The following PDE4D variants were observed in gnomAD, a reference collection of about 807,000 sequenced individuals.
The protein encoded by PDE4D is 3',5'-cyclic-AMP phosphodiesterase 4D.
In PDE4D, 24 loss-of-function variants were observed where a neutral mutation model predicts 87.4. The ratio of observed to expected loss-of-function variants is 0.27; its 90% CI spans 0.20 to 0.39. The LOEUF is 0.39. Ranked by LOEUF, PDE4D falls within the 10% of genes least tolerant of loss-of-function variation. The pLI is 1.00. For missense variants in PDE4D, 714 were observed against 1,041.0 expected, an observed-to-expected ratio of 0.69 and a Z score of 4.32; for synonymous variants, 384 against 383.2, an observed-to-expected ratio of 1.00 and a Z score of -0.02.
chr5:59,604,511 C>T (rs138758569), intron 1 of PDE4D, among the ~76,000 whole-genome samples: 2 of 151,974 alleles, frequency 1.3e-5, no homozygotes, highest in Non-Finnish European at 1.5e-5. Context: ...CTGGGAGGGT[C>T]GACTGTAAAC....
intron 6 of PDE4D, among the ~76,000 whole-genome samples, chr5:59,035,263 CTTAG>C (rs777085651): frequency 2.6e-5 from 4 of 152,174 alleles, no homozygotes; most frequent in Non-Finnish European, 5.9e-5. Flanking sequence ...AGGAAAAGTA[CTTAG>C]TTAGCTCTTC....
At position 59,982,150 on chromosome 5, in the gene PDE4D, T is replaced by C. The variant is rs931470032; in HGVS notation, c.272+6338A>G. Among the ~76,000 whole-genome samples the C allele has an allele frequency of 3.3e-5, 5 of 152,230 alleles. No individual in the cohort carries two copies. In the South Asian group the frequency reaches 1.0e-3, roughly 32 times the overall value. On this transcript the variant is annotated intron_variant, in intron 3 of 16. Transcript: ENST00000502484. ...AGTGACCATGTCTTCTTTTACATTC[T>C]TTTCATTTTCTTTTTTTATAGGACA...
At chr5:60,003,115 CTATCTGTAAAATAAAT>C (rs1293116230) in intron 2 of PDE4D, among the ~76,000 whole-genome samples, 2 of 152,040 alleles carry the variant, frequency 1.3e-5, no homozygotes, top group Non-Finnish European at 2.9e-5. Flanking sequence ...TAACAATAAA[CTATCTGTAAAATAAAT>C]TAAGAAAAAC....
intron 2 of PDE4D, among the ~76,000 whole-genome samples, chr5:60,111,876 C>A (rs1252430384): frequency 1.3e-5 from 2 of 151,812 alleles, no homozygotes; most frequent in East Asian, 1.9e-4. Context: ...ACTTTATTCC[C>A]AGACTATTTT....
chr5:60,316,749 A>G (rs372630492), intron 1 of PDE4D, among the ~76,000 whole-genome samples: 15 of 152,166 alleles, frequency 9.9e-5, no homozygotes, highest in Non-Finnish European at 1.6e-4. Flanking sequence ...AGATAATCAT[A>G]TGGTTTTTGT....
chr5:60,518,139 C>T (rs1351896097), intron 1 of PDE4D, among the ~76,000 whole-genome samples: 1 of 152,206 alleles, frequency 6.6e-6, no homozygotes, highest in African/African-American at 2.4e-5. Context: ...TCTGGAGCTG[C>T]CTGCCCTGCT....
chr5:59,483,426 A>G (rs116027758), intron 1 of PDE4D, among the ~76,000 whole-genome samples: 3,771 of 152,238 alleles, frequency 0.025, 74 homozygotes, highest in Non-Finnish European at 0.036. Flanking sequence ...TTCCATAAAA[A>G]ATAATTTTCA....
At chr5:60,210,336 ATG>A (rs1743047028) in intron 1 of PDE4D, among the ~76,000 whole-genome samples, 1 of 152,018 alleles carries the variant, frequency 6.6e-6, no homozygotes, top group African/African-American at 2.4e-5. Flanking sequence ...CAAAAAAGAG[ATG>A]TCTCATTTGT....
intron 1 of PDE4D, among the ~76,000 whole-genome samples, chr5:59,260,212 T>C (rs1761743828): frequency 6.6e-6 from 1 of 151,836 alleles, no homozygotes; most frequent in East Asian, 1.9e-4. Flanking sequence ...AAAGCAACTA[T>C]TTATTCAGAA....
intron 1 of PDE4D, among the ~76,000 whole-genome samples, chr5:60,430,541 T>G (rs28705759): frequency 2.1e-5 from 3 of 142,252 alleles, no homozygotes; most frequent in Middle Eastern, 3.5e-3. Flanking sequence ...TTTTGTTTTT[T>G]TTTGTTTGTT....
chr5:60,306,059 A>G (rs943655554), intron 1 of PDE4D, among the ~76,000 whole-genome samples: 10 of 152,246 alleles, frequency 6.6e-5, no homozygotes, highest in Admixed American at 3.9e-4. Flanking sequence ...TTGTTCATAT[A>G]TTAGATAGAG....
intron 5 of PDE4D, among the ~76,000 whole-genome samples, chr5:59,108,736 A>T (rs926878556): frequency 6.6e-6 from 1 of 151,984 alleles, no homozygotes; most frequent in African/African-American, 2.4e-5. Context: ...TCTACTAAAA[A>T]TACAACAACG....
intron 5 of PDE4D, among the ~76,000 whole-genome samples, chr5:59,098,327 C>T (rs894506673): frequency 1.3e-5 from 2 of 152,084 alleles, no homozygotes; most frequent in Non-Finnish European, 2.9e-5. Context: ...TAATCTGATG[C>T]TAATATGTTA....
At chr5:59,692,682 A>G (rs1222106745) in intron 1 of PDE4D, among the ~76,000 whole-genome samples, 3 of 152,244 alleles carry the variant, frequency 2.0e-5, no homozygotes, top group African/African-American at 7.2e-5. Context: ...TTAAGTTTAG[A>G]TACAGCTCAA....
intron 1 of PDE4D, among the ~76,000 whole-genome samples, chr5:59,572,712 C>G (rs1822079308): frequency 6.6e-6 from 1 of 152,128 alleles, no homozygotes; most frequent in Non-Finnish European, 1.5e-5. Flanking sequence ...GATCTCCTGA[C>G]CTCGTGATCC....
chr5:60,424,636 C>T (rs1383098188), intron 1 of PDE4D, among the ~76,000 whole-genome samples: 3 of 152,090 alleles, frequency 2.0e-5, no homozygotes, highest in Non-Finnish European at 4.4e-5. Context: ...ACAAGGATGC[C>T]CTCTCTCACC....
intron 1 of PDE4D, among the ~76,000 whole-genome samples, chr5:59,312,582 A>T (rs917137335): frequency 1.3e-5 from 2 of 152,216 alleles, no homozygotes; most frequent in Non-Finnish European, 2.9e-5. Flanking sequence ...AAAAGTCTAC[A>T]GGAAACTTAT....
At chr5:59,900,937 G>A (rs77126624) in intron 3 of PDE4D, among the ~76,000 whole-genome samples, 4,443 of 152,164 alleles carry the variant, frequency 0.029, 205 homozygotes, top group African/African-American at 0.1. Context: ...TAATGTGGTA[G>A]GTAGGCATTG....
chr5:59,397,553 C>A (rs1326673319), intron 1 of PDE4D, among the ~76,000 whole-genome samples: 4 of 112,428 alleles, frequency 3.6e-5, no homozygotes, highest in African/African-American at 1.5e-4. Context: ...ACACAACATA[C>A]CAGAATCTCT....
Sources: allele counts gnomAD v4.1 joint callset (sites outside exome capture counted in the v4.1 genomes callset), GRCh38; gene constraint gnomAD v4.1.1; transcripts MANE v1.5; gene names NCBI Gene and HGNC (gene_info 2026-07-23, HGNC 2026-07-21).